The following FILIP1L variants were observed in gnomAD, a reference collection of about 807,000 sequenced individuals.
The protein encoded by FILIP1L is filamin A interacting protein 1 like, also known as filamin A-interacting protein 1-like.
In FILIP1L, 55 loss-of-function variants were observed where a neutral mutation model predicts 96.6. The observed-to-expected ratio is 0.57, with a 90% CI of 0.46 to 0.71. FILIP1L has a LOEUF of 0.71. Ranked by LOEUF, FILIP1L falls within the 30% of genes least tolerant of loss-of-function variation. FILIP1L has a pLI of 0.00. For synonymous variants in FILIP1L, 467 were observed against 473.9 expected (o/e 0.99, Z 0.19); for missense variants, 1,304 against 1,321.2 (o/e 0.99, Z 0.20).
chr3:99,907,257 A>AT (rs1387360120), intron 4 of FILIP1L, among the ~76,000 whole-genome samples: 6 of 151,044 alleles, frequency 4.0e-5, no homozygotes, highest in South Asian at 2.1e-4. Context: ...TTTCTTTTTT[A>AT]TTTTTTTTGA....
intron 1 of FILIP1L, among the ~76,000 whole-genome samples, chr3:100,104,342 C>T (rs1466797845): frequency 6.6e-6 from 1 of 152,152 alleles, no homozygotes; most frequent in Non-Finnish European, 1.5e-5. Context: ...ACACAAAGCC[C>T]GTTAACTACA....
chr3:99,988,814 G>T (rs1709430146), intron 1 of FILIP1L, among the ~76,000 whole-genome samples: 1 of 152,248 alleles, frequency 6.6e-6, no homozygotes, highest in South Asian at 2.1e-4. Context: ...TTCTTGGGCT[G>T]TTCTTTCATT....
chr3:100,017,785 C>T (rs1311311964), intron 1 of FILIP1L, among the ~76,000 whole-genome samples: 2 of 152,130 alleles, frequency 1.3e-5, no homozygotes, highest in African/African-American at 4.8e-5. Flanking sequence ...AAAAGAAACA[C>T]TGGTCTTCTC....
intron 1 of FILIP1L, among the ~76,000 whole-genome samples, chr3:100,003,606 T>G (rs1709905755): frequency 6.6e-6 from 1 of 152,160 alleles, no homozygotes; most frequent in Non-Finnish European, 1.5e-5. Flanking sequence ...AAGTACAGTG[T>G]TTTTTCCAGT....
chr3:99,895,571 A>C (rs954191919), intron 4 of FILIP1L, among the ~76,000 whole-genome samples: 1 of 152,152 alleles, frequency 6.6e-6, no homozygotes, highest in Non-Finnish European at 1.5e-5. Context: ...CAATAGCATA[A>C]CTATGAACCC....
At chr3:99,895,714 C>A (rs142469519) in intron 4 of FILIP1L, among the ~76,000 whole-genome samples, 302 of 152,270 alleles carry the variant, frequency 2.0e-3, no homozygotes, top group African/African-American at 6.8e-3. Context: ...CTTCCTTAAT[C>A]TCCTTCATCT....
rs1208122747 is a variant in FILIP1L at position 99,930,929 on chromosome 3, A to C, written c.92T>G (p.Met31Arg). The change falls in exon 2 of 6, where the codon ATG becomes AGG. Residue 31 changes from methionine to arginine, a missense_variant. Coordinates refer to ENST00000477258, the MANE Select transcript of FILIP1L (RefSeq NM_001387850.1). ...GTCTTTGTCTTGCTGTCTATGCTTC[A>C]TGTTTTTAGGCCCTTGGAAACTGTG... ...KGHSFQGPKN[M>R]KHRQQDKDSP... is the part of the protein sequence containing the mutation. 1.9e-6 allele frequency: 3 copies of C among 1,613,528 alleles called. No individual in the cohort carries two copies. Among genetic ancestry groups the C allele is most frequent in the South Asian group, 2.2e-5 (2 of 91,016 alleles).
chr3:100,113,876 T>C (rs995384169), intron 1 of FILIP1L, among the ~76,000 whole-genome samples, 177 bp downstream of exon 1: 4 of 152,210 alleles, frequency 2.6e-5, no homozygotes, highest in African/African-American at 9.7e-5. Flanking sequence ...AAGCAACTCT[T>C]AGTCATTTTA....
chr3:100,018,387 G>T (rs912605548), intron 1 of FILIP1L, among the ~76,000 whole-genome samples: 3 of 152,058 alleles, frequency 2.0e-5, no homozygotes, highest in South Asian at 2.1e-4. Context: ...AAATTAAACT[G>T]CAGTGTTGTG....
chr3:100,074,579 A>G (rs2065816041), intron 1 of FILIP1L, among the ~76,000 whole-genome samples: 1 of 151,572 alleles, frequency 6.6e-6, no homozygotes, highest in Non-Finnish European at 1.5e-5. Context: ...TTATCTAAAA[A>G]CTAGTAAAAA....
intron 4 of FILIP1L, among the ~76,000 whole-genome samples, chr3:99,877,878 T>TAGC (rs1366489411): frequency 2.0e-5 from 3 of 152,210 alleles, no homozygotes; most frequent in Non-Finnish European, 4.4e-5. Flanking sequence ...AACAGTTTTG[T>TAGC]AGCTTGTTTT....
At chr3:100,102,596 A>G (rs947010963) in intron 1 of FILIP1L, among the ~76,000 whole-genome samples, 1 of 151,918 alleles carries the variant, frequency 6.6e-6, no homozygotes, top group African/African-American at 2.4e-5. Context: ...TCCTACTTCC[A>G]TTACTAAACT....
chr3:100,066,681 G>A lies in FILIP1L; in HGVS notation c.-11+47372C>T, dbSNP rs570912152. Among the ~76,000 whole-genome samples, 8 of 131,906 alleles carry A rather than the reference G, an allele frequency of 6.1e-5. No homozygotes were observed. The East Asian group carries it at 1.5e-3, about 24-fold the overall frequency. 86.5% of individuals were successfully genotyped at this position (131,906 alleles called of 152,430 possible). A position where few individuals can be genotyped will look rare whatever the true frequency, so the allele number is the denominator to read the frequency against. ...CAAGTAGCTGGGACTACAGGCGCCCGCCACTACGCCCGGCTAATTTTTTGT... is the reference window on the plus strand; with the variant it reads ...CAAGTAGCTGGGACTACAGGCGCCCACCACTACGCCCGGCTAATTTTTTGT... On this transcript the variant is annotated intron_variant, in intron 1 of 5. Coordinates refer to ENST00000477258, the MANE Select transcript of FILIP1L (RefSeq NM_001387850.1).
intron 1 of FILIP1L, among the ~76,000 whole-genome samples, chr3:99,931,905 C>T (rs373829925): frequency 4.6e-5 from 7 of 152,134 alleles, no homozygotes; most frequent in Non-Finnish European, 7.4e-5. Context: ...TTATAATTGA[C>T]TCTATGGCAT....
At chr3:99,954,152 T>C (rs1264580536) in intron 1 of FILIP1L, among the ~76,000 whole-genome samples, 2 of 152,218 alleles carry the variant, frequency 1.3e-5, no homozygotes, top group African/African-American at 2.4e-5. Flanking sequence ...GGTACAAATA[T>C]TGGTCTTCAT....
rs367809134 is a variant in FILIP1L at position 99,848,652 on chromosome 3, A to G, written c.3024T>C (p.Thr1008=). Reference sequence around the variant, plus strand: ...CCTGCTCAGGAGAGCTAGCTGAACCAGTCACAGCCAAAACCTGAATAGGGG... The same window carrying G: ...CCTGCTCAGGAGAGCTAGCTGAACCGGTCACAGCCAAAACCTGAATAGGGG... ...TMSPIQVLAV[T]GSASSPEQGR... is the part of the protein sequence containing the mutation. Residue 1008 remains threonine, a synonymous_variant, in exon 5 of 6, where the codon ACT becomes ACC. Transcript: ENST00000477258. The G allele has an allele frequency of 5.0e-6, 8 of 1,614,084 alleles. No individual in the cohort carries two copies. The African/African-American group carries it at 1.1e-4, about 22-fold the overall frequency.
At chr3:99,994,842 A>G (rs1709628300) in intron 1 of FILIP1L, among the ~76,000 whole-genome samples, 2 of 152,200 alleles carry the variant, frequency 1.3e-5, no homozygotes, top group Non-Finnish European at 2.9e-5. Context: ...AGACTTATTC[A>G]CTACCACGAG....
chr3:100,039,721 C>G (rs1028350734), intron 1 of FILIP1L: 1 of 151,858 alleles, frequency 6.6e-6, no homozygotes, highest in East Asian at 1.9e-4. Context: ...TGGTAATTCC[C>G]CCCAGTGGTT....
chr3:99,904,704 T>G (rs1706554462), intron 4 of FILIP1L, among the ~76,000 whole-genome samples: 1 of 152,174 alleles, frequency 6.6e-6, no homozygotes, highest in Non-Finnish European at 1.5e-5. Flanking sequence ...ATTATCACTG[T>G]AGCAACTACC....
Sources: gnomAD v4.1 joint callset for allele counts (sites outside exome capture counted in the v4.1 genomes callset) on GRCh38, gnomAD v4.1.1 for gene constraint, MANE v1.5 for transcripts, NCBI Gene and HGNC (gene_info 2026-07-23, HGNC 2026-07-21) for gene names.